The following RASAL2 variants were observed in gnomAD, a reference collection of about 807,000 sequenced individuals.
RASAL2 encodes ras GTPase-activating protein nGAP.
Under a neutral mutation model 128.9 loss-of-function variants are expected in RASAL2, and 58 were observed. The observed-to-expected ratio is 0.45, with a 90% CI of 0.36 to 0.56. RASAL2 has a LOEUF of 0.56. RASAL2 is among the 20% of genes least tolerant of loss of function. RASAL2 has a pLI of 0.00. For missense variants in RASAL2, 1,360 were observed against 1,601.6 expected, an observed-to-expected ratio of 0.85 and a Z score of 2.57; for synonymous variants, 561 against 580.8, an observed-to-expected ratio of 0.97 and a Z score of 0.49.
intron 4 of RASAL2, among the ~76,000 whole-genome samples, chr1:178,411,439 T>G (rs577964361): frequency 2.0e-5 from 3 of 152,172 alleles, no homozygotes; most frequent in East Asian, 1.9e-4. Flanking sequence ...GACTACACAT[T>G]GGGTACAGTC....
chr1:178,354,221 T>C (rs557313861), intron 3 of RASAL2, among the ~76,000 whole-genome samples: 56 of 152,296 alleles, frequency 3.7e-4, no homozygotes, highest in African/African-American at 1.2e-3. Context: ...AAAGTTAGAA[T>C]AGTTTACCAT....
At chr1:178,197,923 C>T (rs60207126) in intron 1 of RASAL2, among the ~76,000 whole-genome samples, 16,519 of 152,082 alleles carry the variant, frequency 0.11, 1,149 homozygotes, top group African/African-American at 0.19. Flanking sequence ...TTGTTCAGTT[C>T]CCACCTATGA....
At chr1:178,276,478 G>A (rs1436208276) in intron 1 of RASAL2, among the ~76,000 whole-genome samples, 1 of 151,860 alleles carries the variant, frequency 6.6e-6, no homozygotes, top group African/African-American at 2.4e-5. Context: ...TAAATCTGCA[G>A]TATATTGTGG....
intron 2 of RASAL2, among the ~76,000 whole-genome samples, chr1:178,290,324 A>T (rs181235021): frequency 3.9e-5 from 6 of 152,314 alleles, no homozygotes; most frequent in Admixed American, 3.3e-4. Flanking sequence ...TGAATAGAAA[A>T]TATCTTCTAT....
intron 3 of RASAL2, among the ~76,000 whole-genome samples, chr1:178,377,911 T>TAA (rs1488314376): frequency 6.6e-6 from 1 of 151,664 alleles, no homozygotes; most frequent in Non-Finnish European, 1.5e-5. Context: ...ACTAGAAGAG[T>TAA]AAAAATAGAG....
rs1558022538 is a variant in RASAL2 at position 178,475,862 on chromosome 1, G to A, written c.*2623G>A. The A allele has an allele frequency of 6.6e-6, 1 of 152,220 alleles. No individual in the cohort carries two copies. Among genetic ancestry groups the A allele is most frequent in the East Asian group, 1.9e-4 (1 of 5,196 alleles). The allele number at this position is 152,220 out of a possible 1,614,324, so 9.4% of individuals were successfully genotyped here. A position where few individuals can be genotyped will look rare whatever the true frequency, so the allele number is the denominator to read the frequency against. ...ATTACCAATAAGCTAAAAGTTCAGA[G>A]TTGCTGATAGATGTTAAATGTTAAG... On this transcript the variant is annotated 3_prime_UTR_variant, in exon 18 of 18. Transcript: ENST00000367649.
intron 3 of RASAL2, chr1:178,389,209 T>G (rs971413694): frequency 1.1e-6 from 1 of 932,842 alleles, no homozygotes; most frequent in African/African-American, 1.8e-5. Flanking sequence ...TGTGGCTTTT[T>G]TTTCCTTGTC....
intron 3 of RASAL2, chr1:178,341,588 T>G (rs769951653): frequency 1.5e-5 from 25 of 1,613,838 alleles, no homozygotes; most frequent in African/African-American, 5.3e-5. Context: ...ACCCAGAAAC[T>G]TCACACGATG....
chr1:178,096,464 T>TTGTGTGTG (rs57531713), intron 1 of RASAL2, among the ~76,000 whole-genome samples: 2 of 148,470 alleles, frequency 1.3e-5, no homozygotes, highest in Non-Finnish European at 3.0e-5. Flanking sequence ...ATTGTATATT[T>TTGTGTGTG]TGTGTGTGTG....
rs554026665 is a variant in RASAL2 at position 178,477,852 on chromosome 1, T to C, written c.*4613T>C. 5.3e-5 allele frequency: 8 copies of C among 152,348 alleles called. No homozygotes were observed. Among genetic ancestry groups the C allele is most frequent in the African/African-American group, 1.9e-4 (8 of 41,590 alleles). 9.4% of individuals were successfully genotyped at this position (152,348 alleles called of 1,614,324 possible). On this transcript the variant is annotated 3_prime_UTR_variant, in exon 18 of 18. Transcript: ENST00000367649. ...TATATAAGTTAAAGCAACTTGAAAT[T>C]GACTTGGTTTGGCATTGTCTCAAGA...
At chr1:178,393,761 T>A (rs1438623867) in intron 4 of RASAL2, among the ~76,000 whole-genome samples, 2 of 152,204 alleles carry the variant, frequency 1.3e-5, no homozygotes, top group African/African-American at 4.8e-5. Context: ...TCTGTTCCGA[T>A]CATCTTTATA....
At chr1:178,208,275 A>G (rs1247451543) in intron 1 of RASAL2, among the ~76,000 whole-genome samples, 3 of 152,184 alleles carry the variant, frequency 2.0e-5, no homozygotes, top group African/African-American at 7.2e-5. Flanking sequence ...GAGAGCCTAT[A>G]AATGGATGTG....
chr1:178,186,646 C>G (rs1662313246), intron 1 of RASAL2, among the ~76,000 whole-genome samples: 1 of 152,072 alleles, frequency 6.6e-6, no homozygotes, highest in African/African-American at 2.4e-5. Flanking sequence ...TTACCCTCCT[C>G]TGGCTGTTAT....
intron 15 of RASAL2, among the ~76,000 whole-genome samples, chr1:178,464,848 T>G (rs933495493): frequency 4.1e-5 from 6 of 147,758 alleles, no homozygotes; most frequent in Admixed American, 1.3e-4. Context: ...TTTTTTTTTT[T>G]TTTTTTTTGC....
intron 1 of RASAL2, among the ~76,000 whole-genome samples, chr1:178,219,020 G>T (rs1663526135): frequency 6.6e-6 from 1 of 152,196 alleles, no homozygotes; most frequent in Admixed American, 6.5e-5. Flanking sequence ...TGTTCTTAGT[G>T]TTCATCAATG....
intron 1 of RASAL2, among the ~76,000 whole-genome samples, chr1:178,158,460 C>T (rs1469644924): frequency 6.6e-6 from 1 of 151,524 alleles, no homozygotes; most frequent in East Asian, 1.9e-4. Flanking sequence ...CTTAGACCAA[C>T]TTGGGTTCAA....
intron 1 of RASAL2, among the ~76,000 whole-genome samples, chr1:178,170,983 A>C (rs745396637): frequency 1.3e-5 from 2 of 151,684 alleles, no homozygotes; most frequent in African/African-American, 2.4e-5. Flanking sequence ...ATTTCATTTA[A>C]ATTTCTTGGC....
rs568692490 is a variant in RASAL2 at position 178,328,421 on chromosome 1, G to A, written c.457+28303G>A. ...TCTTTGTATTATGAATATTCCAATC[G>A]TTATTCTAAAAGGTACAACAAATTG... On this transcript the variant is annotated intron_variant, in intron 3 of 17. Transcript: ENST00000367649. Among the ~76,000 whole-genome samples, 19 of 152,108 alleles carry A rather than the reference G, an allele frequency of 1.2e-4. No homozygotes were observed. The Middle Eastern group carries it at 0.01, about 82-fold the overall frequency.
At chr1:178,282,507 G>C (rs1446859293) in intron 1 of RASAL2, among the ~76,000 whole-genome samples, 2 of 152,116 alleles carry the variant, frequency 1.3e-5, no homozygotes, top group African/African-American at 2.4e-5. Context: ...GCCAGTGCCA[G>C]TAATATACCT....
Sources: allele counts gnomAD v4.1 joint callset (sites outside exome capture counted in the v4.1 genomes callset), GRCh38; gene constraint gnomAD v4.1.1; transcripts MANE v1.5; gene names NCBI Gene and HGNC (gene_info 2026-07-23, HGNC 2026-07-21).